The following CNTNAP2 variants were observed in gnomAD, a reference collection of about 807,000 sequenced individuals.
CNTNAP2 encodes the protein contactin associated protein 2, also known as contactin-associated protein-like 2.
Under a neutral mutation model 155.2 loss-of-function variants are expected in CNTNAP2, and 98 were observed. The ratio of observed to expected loss-of-function variants is 0.63; its 90% confidence interval spans 0.54 to 0.75. CNTNAP2 has a LOEUF of 0.75. Ranked by LOEUF, CNTNAP2 falls within the 30% of genes least tolerant of loss-of-function variation. The pLI, the probability that CNTNAP2 is intolerant of heterozygous loss-of-function variation, is 0.00. For missense variants in CNTNAP2, 1,727 were observed against 1,688.1 expected, an observed-to-expected ratio of 1.02 and a Z score of -0.40; for synonymous variants, 651 against 631.2, an observed-to-expected ratio of 1.03 and a Z score of -0.47.
intron 2 of CNTNAP2, among the ~76,000 whole-genome samples, chr7:146,784,101 G>A (rs1802534456): frequency 1.3e-5 from 2 of 152,024 alleles, no homozygotes; most frequent in South Asian, 4.2e-4. Flanking sequence ...TAGAGAAAGG[G>A]GAATAAAGAT....
Position 148,198,020 on chromosome 7 carries a change from A to G in CNTNAP2, c.3011-19268A>G, listed in dbSNP as rs116513424. ...GAGCCACTGGAGCCTTAATCCATGT[A>G]TCTTTTCCCTGCGCGAATCTCAACA... is the stretch of plus-strand genomic sequence containing the variant. On this transcript the variant is annotated intron_variant, in intron 18 of 23. Coordinates refer to ENST00000361727, the MANE Select transcript of CNTNAP2 (RefSeq NM_014141.6). Among the ~76,000 whole-genome samples the G allele has an allele frequency of 5.4e-3, 828 of 152,340 alleles. 4 individuals are homozygous for G. The highest frequency in any genetic ancestry group is 0.019 in the African/African-American group (785 of 41,574).
rs117043431 is a variant in CNTNAP2, at chr7:147,483,764, C to T, written c.1671-2171C>T. Among the ~76,000 whole-genome samples the T allele has an allele frequency of 8.3e-4, 126 of 152,286 alleles. 3 individuals are homozygous for T. The East Asian group carries it at 0.022, about 27-fold the overall frequency. ...TTTGAAGTGTCTAGCCCATTGCTTC[C>T]TTCCATCATATGCAGAACCACCTGC... On this transcript the variant is annotated intron_variant, in intron 10 of 23. Transcript: ENST00000361727.
chr7:148,083,342 G>C (rs936556841), intron 15 of CNTNAP2, among the ~76,000 whole-genome samples: 2 of 152,150 alleles, frequency 1.3e-5, no homozygotes, highest in Non-Finnish European at 2.9e-5. Flanking sequence ...TTGCAGAGTG[G>C]GGGGCAGTGG....
At chr7:148,011,828 G>A (rs1475764199) in intron 15 of CNTNAP2, among the ~76,000 whole-genome samples, 1 of 152,198 alleles carries the variant, frequency 6.6e-6, no homozygotes, top group African/African-American at 2.4e-5. Flanking sequence ...TTCTGGCCAA[G>A]ACAGATGACA....
chr7:147,319,579 T>C (rs1446152440), intron 9 of CNTNAP2, among the ~76,000 whole-genome samples: 2 of 152,130 alleles, frequency 1.3e-5, no homozygotes, highest in Non-Finnish European at 2.9e-5. Context: ...GGTTTCACCA[T>C]GTCGGCCAGG....
intron 3 of CNTNAP2, among the ~76,000 whole-genome samples, chr7:146,848,991 G>C (rs1323987080): frequency 6.6e-6 from 1 of 152,058 alleles, no homozygotes. Flanking sequence ...ATGTTGGCCA[G>C]GCTGGCCTTG....
intron 8 of CNTNAP2, among the ~76,000 whole-genome samples, chr7:147,245,456 G>A (rs1359630674): frequency 9.2e-5 from 14 of 152,034 alleles, no homozygotes. Flanking sequence ...TCCCGGGTTG[G>A]TCCAGACAGC....
At chr7:147,262,294 T>C (rs1399117526) in intron 8 of CNTNAP2, among the ~76,000 whole-genome samples, 2 of 152,190 alleles carry the variant, frequency 1.3e-5, no homozygotes, top group Non-Finnish European at 2.9e-5. Flanking sequence ...GAGAACTAAA[T>C]ACATAGGGTG....
intron 10 of CNTNAP2, among the ~76,000 whole-genome samples, chr7:147,447,560 G>A (rs993949066): frequency 2.6e-5 from 4 of 152,038 alleles, no homozygotes; most frequent in African/African-American, 9.7e-5. Flanking sequence ...AGGACTACAG[G>A]CGCGCGCCAC....
intron 3 of CNTNAP2, among the ~76,000 whole-genome samples, chr7:146,971,091 A>C (rs1316456401): frequency 6.6e-6 from 1 of 152,086 alleles, no homozygotes; most frequent in Non-Finnish European, 1.5e-5. Context: ...TAGCTTTAGG[A>C]GATATACCTA....
intron 1 of CNTNAP2, among the ~76,000 whole-genome samples, chr7:146,600,529 A>T (rs1227124057): frequency 6.6e-6 from 1 of 152,122 alleles, no homozygotes; most frequent in Non-Finnish European, 1.5e-5. Context: ...GGTGAGGTGG[A>T]AAGAGTTACT....
intron 9 of CNTNAP2, among the ~76,000 whole-genome samples, chr7:147,361,714 G>GT (rs963771641): frequency 1.5e-4 from 22 of 151,704 alleles, no homozygotes; most frequent in Admixed American, 3.9e-4. Context: ...AATTTTGTCT[G>GT]TTTTTTTTAA....
At chr7:148,264,796 G>C (rs956315216) in intron 20 of CNTNAP2, among the ~76,000 whole-genome samples, 1 of 152,136 alleles carries the variant, frequency 6.6e-6, no homozygotes, top group Non-Finnish European at 1.5e-5. Context: ...CCAGGTTCAA[G>C]CCATTCCCAT....
chr7:146,966,841 A>C (rs1204805515), intron 3 of CNTNAP2, among the ~76,000 whole-genome samples: 2 of 152,208 alleles, frequency 1.3e-5, no homozygotes, highest in African/African-American at 4.8e-5. Context: ...GTTCAGCCTA[A>C]ATCTATTGTA....
intron 11 of CNTNAP2, among the ~76,000 whole-genome samples, chr7:147,495,773 TA>T (rs1471888479): frequency 6.6e-6 from 1 of 152,188 alleles, no homozygotes; most frequent in Non-Finnish European, 1.5e-5. Flanking sequence ...AAACAACTTA[TA>T]TCCATTAGAA....
At chr7:146,275,700 C>T (rs941271405) in intron 1 of CNTNAP2, among the ~76,000 whole-genome samples, 3 of 152,178 alleles carry the variant, frequency 2.0e-5, no homozygotes, top group Non-Finnish European at 4.4e-5. Flanking sequence ...TCTTCCTAAG[C>T]ACACATATCC....
chr7:146,365,143 C>CACCACTTCATATGCACCA (rs1205043337), intron 1 of CNTNAP2, among the ~76,000 whole-genome samples: 3 of 152,076 alleles, frequency 2.0e-5, no homozygotes, highest in African/African-American at 4.8e-5. Context: ...TATCCAACTG[C>CACCACTTCATATGCACCA]CTCCAATGCA....
chr7:148,313,503 C>T (rs1319278375), intron 21 of CNTNAP2, among the ~76,000 whole-genome samples: 2 of 152,094 alleles, frequency 1.3e-5, no homozygotes, highest in Non-Finnish European at 2.9e-5. Context: ...GCCAGATTTC[C>T]AGCACTTGTA....
intron 13 of CNTNAP2, among the ~76,000 whole-genome samples, chr7:147,763,779 G>A (rs568280360): frequency 2.5e-4 from 38 of 152,302 alleles, no homozygotes; most frequent in African/African-American, 7.7e-4. Context: ...CCAACACAGA[G>A]CAGCAGTGTG....
Sources: gnomAD v4.1 joint callset for allele counts (sites outside exome capture counted in the v4.1 genomes callset) on GRCh38, gnomAD v4.1.1 for gene constraint, MANE v1.5 for transcripts, NCBI Gene and HGNC (gene_info 2026-07-23, HGNC 2026-07-21) for gene names.